The following CPED1 variants were observed in gnomAD, a reference collection of about 807,000 sequenced individuals.
CPED1 encodes cadherin-like and PC-esterase domain-containing protein 1.
In CPED1, 114 loss-of-function variants were observed where a neutral mutation model predicts 128.2. That is an observed-to-expected ratio of 0.89 (90% CI 0.76 to 1.04). The LOEUF is 1.04. Among genes scored for constraint, CPED1 ranks in the 50% least tolerant of loss-of-function variants. The pLI is 0.00. For missense variants in CPED1, 1,211 were observed against 1,207.1 expected, an observed-to-expected ratio of 1.00 and a Z score of -0.05; for synonymous variants, 462 against 426.7, an observed-to-expected ratio of 1.08 and a Z score of -1.02.
intron 16 of CPED1, among the ~76,000 whole-genome samples, chr7:121,175,249 C>A (rs1307158638): frequency 6.6e-6 from 1 of 152,044 alleles, no homozygotes; most frequent in Non-Finnish European, 1.5e-5. Flanking sequence ...ACTTCCAATA[C>A]TAGGTTGAAT....
chr7:121,120,962 GACCT>G, intron 7 of CPED1, among the ~76,000 whole-genome samples: 1 of 93,390 alleles, frequency 1.1e-5, no homozygotes. Context: ...GACAGTTCCT[GACCT>G]AAAAAAAAAA....
intron 3 of CPED1, among the ~76,000 whole-genome samples, chr7:121,029,517 G>A (rs1792677965): frequency 6.6e-6 from 1 of 152,148 alleles, no homozygotes; most frequent in Non-Finnish European, 1.5e-5. Context: ...TGCTGGAATG[G>A]CAGGCACGTT....
At chr7:121,064,458 G>C (rs1793773703) in intron 5 of CPED1, 145 bp downstream of exon 5, 3 of 595,952 alleles carry the variant, frequency 5.0e-6, no homozygotes, top group Non-Finnish European at 9.0e-6. Flanking sequence ...AGTTCACAAC[G>C]CTTTGCCAAT....
chr7:121,090,902 T>C (rs1584505256), intron 5 of CPED1, among the ~76,000 whole-genome samples: 1 of 152,026 alleles, frequency 6.6e-6, no homozygotes, highest in African/African-American at 2.4e-5. Context: ...TGAGCCGAGA[T>C]CCTGCCACTG....
chr7:121,111,826 A>G (rs1233077149), intron 7 of CPED1, among the ~76,000 whole-genome samples: 1 of 152,256 alleles, frequency 6.6e-6, no homozygotes, highest in African/African-American at 2.4e-5. Flanking sequence ...TTAAACAATG[A>G]TAAAAGGCAA....
At chr7:121,276,103 A>G (rs1341694331) in intron 22 of CPED1, among the ~76,000 whole-genome samples, 4 of 152,136 alleles carry the variant, frequency 2.6e-5, no homozygotes. Flanking sequence ...TATCTACTCT[A>G]TGCAAGCATT....
At chr7:121,289,415 T>C (rs1226722622) in intron 22 of CPED1, among the ~76,000 whole-genome samples, 1 of 152,218 alleles carries the variant, frequency 6.6e-6, no homozygotes, top group African/African-American at 2.4e-5. Flanking sequence ...ATTAAAAATG[T>C]CCTATAATTC....
chr7:121,165,071 A>G (rs962698859), intron 16 of CPED1, among the ~76,000 whole-genome samples: 2 of 152,276 alleles, frequency 1.3e-5, no homozygotes, highest in East Asian at 1.9e-4. Flanking sequence ...GTGTATTTCA[A>G]TGATTGTTTT....
chr7:121,152,858 T>C (rs529478458), intron 16 of CPED1, among the ~76,000 whole-genome samples: 5 of 152,342 alleles, frequency 3.3e-5, no homozygotes, highest in African/African-American at 1.2e-4. Flanking sequence ...TGCTAAATTA[T>C]ACAGTACATT....
intron 16 of CPED1, among the ~76,000 whole-genome samples, chr7:121,209,615 T>G (rs968643730): frequency 7.2e-5 from 11 of 151,966 alleles, no homozygotes; most frequent in Non-Finnish European, 1.6e-4. Flanking sequence ...CAACATGAAT[T>G]AAAGACTTAA....
At chr7:121,128,629 G>C in intron 11 of CPED1, 143 bp downstream of exon 11, 1 of 570,252 alleles carries the variant, frequency 1.8e-6, no homozygotes, top group Non-Finnish European at 3.2e-6. Flanking sequence ...CTCTTTCAGA[G>C]ATCTAAGTAG....
At chr7:121,250,107 T>G (rs1248723833) in intron 18 of CPED1, among the ~76,000 whole-genome samples, 1 of 152,152 alleles carries the variant, frequency 6.6e-6, no homozygotes, top group Non-Finnish European at 1.5e-5. Flanking sequence ...AGAACATAAA[T>G]TATAACAAAC....
intron 4 of CPED1, among the ~76,000 whole-genome samples, chr7:121,052,808 G>A (rs1190115389): frequency 1.3e-5 from 2 of 151,996 alleles, no homozygotes; most frequent in African/African-American, 4.8e-5. Context: ...CTGCAACTGC[G>A]GCCTCCTGGG....
At chr7:121,140,523 A>G (rs1480964976) in intron 14 of CPED1, among the ~76,000 whole-genome samples, 1 of 152,004 alleles carries the variant, frequency 6.6e-6, no homozygotes, top group Non-Finnish European at 1.5e-5. Context: ...TTATCAATCC[A>G]CAGGAGAGAC....
intron 22 of CPED1, among the ~76,000 whole-genome samples, chr7:121,287,698 CCT>C (rs1331304059): frequency 2.0e-5 from 3 of 151,944 alleles, no homozygotes; most frequent in African/African-American, 4.8e-5. Flanking sequence ...CATGTTTTCC[CCT>C]GTTTTCCCCC....
At chr7:121,233,699 A>C (rs1173719892) in intron 16 of CPED1, among the ~76,000 whole-genome samples, 2 of 151,846 alleles carry the variant, frequency 1.3e-5, no homozygotes, top group East Asian at 3.9e-4. Flanking sequence ...TACTGTGATT[A>C]ATCACTTTTA....
Position 121,075,285 on chromosome 7 carries a change from C to CT in CPED1, c.616+10972_616+10973insT, listed in dbSNP as rs1794096716. Among the ~76,000 whole-genome samples the CT allele has an allele frequency of 3.9e-5, 6 of 152,198 alleles. No individual in the cohort carries two copies. The South Asian group carries it at 1.2e-3, about 32-fold the overall frequency. On this transcript the variant is annotated intron_variant, in intron 5 of 22. Coordinates refer to ENST00000310396, the MANE Select transcript of CPED1 (RefSeq NM_024913.5). The stretch of plus-strand genomic sequence containing the variant: ...GATTAGCATCACAAGTCATTTTAAG[C>CT]AAACACTGGAAATACTTGTGCTCAC...
At chr7:121,109,854 A>G (rs983692387) in intron 7 of CPED1, among the ~76,000 whole-genome samples, 3 of 152,282 alleles carry the variant, frequency 2.0e-5, no homozygotes, top group East Asian at 1.9e-4. Context: ...AATATATTTC[A>G]TTTTCATGCC....
chr7:121,294,313 G>A (rs1044805166), intron 22 of CPED1, among the ~76,000 whole-genome samples: 1 of 152,010 alleles, frequency 6.6e-6, no homozygotes, highest in African/African-American at 2.4e-5. Flanking sequence ...GTGAGGAACA[G>A]AAATAGGAAA....
Sources: allele counts gnomAD v4.1 joint callset (sites outside exome capture counted in the v4.1 genomes callset), GRCh38; gene constraint gnomAD v4.1.1; transcripts MANE v1.5; gene names NCBI Gene and HGNC (gene_info 2026-07-23, HGNC 2026-07-21).